Variants in TAS2R14 observed in about 807,000 individuals in gnomAD.
The protein encoded by TAS2R14 is taste 2 receptor member 14, also known as taste receptor type 2 member 14.
For synonymous variants in TAS2R14, 131 were observed against 131.0 expected, an observed-to-expected ratio of 1.00 and a Z score of 0.00; for missense variants, 383 against 372.0, an observed-to-expected ratio of 1.03 and a Z score of -0.24.
exon 1 of TAS2R14, chr12:10,939,003 A>C (rs533081426): frequency 1.9e-6 from 3 of 1,613,748 alleles, no homozygotes; most frequent in East Asian, 2.2e-5. Context: ...AAAAACACAG[A>C]CACACACCAG....
Position 10,939,174 on chromosome 12 carries a change from C to T in TAS2R14, c.34G>A (p.Val12Ile), listed in dbSNP as rs1263067443. 1.5e-5 allele frequency: 24 copies of T among 1,594,818 alleles called. No homozygotes were observed. The highest frequency in any genetic ancestry group is 1.8e-5 in the Non-Finnish European group (21 of 1,172,404). Residue 12 changes from valine (V) to isoleucine (I), a missense_variant, in exon 1 of 1, where the codon GTT (valine) becomes ATT (isoleucine). Coordinates refer to ENST00000537503, the Ensembl canonical transcript of TAS2R14. ...CCAATTATAAATTCCACAATTAAAA[C>T]GAATGTAAATATGCTCTTTATGACA...
At chr12:10,938,829 T>TA in intron 4 of TAS2R14, 1 of 1,613,654 alleles carries the variant, frequency 6.2e-7, no homozygotes, top group Non-Finnish European at 8.5e-7. Flanking sequence ...ACCACCTTTT[T>TA]AACCCTCCAC....
At chr12:10,938,860 G>A (rs1591702981) in exon 1 of TAS2R14, 3 of 1,613,710 alleles carry the variant, frequency 1.9e-6, no homozygotes, top group Non-Finnish European at 2.5e-6. Flanking sequence ...GAAAAATAGA[G>A]TTAGAAAAAT....
At chr12:10,938,643 T>A in exon 1 of TAS2R14, 1 of 1,613,916 alleles carries the variant, frequency 6.2e-7, no homozygotes, top group East Asian at 2.2e-5. Context: ...GTAAAGGGTA[T>A]GAAAATGAAC....
At chr12:10,938,614 A>C in exon 1 of TAS2R14, 1 of 1,613,948 alleles carries the variant, frequency 6.2e-7, no homozygotes, top group South Asian at 1.1e-5. Flanking sequence ...TGAGGAGAAG[A>C]AACATTGCCA....
chr12:10,938,347 C>A (rs756618046), exon 1 of TAS2R14: 1 of 1,614,062 alleles, frequency 6.2e-7, no homozygotes, highest in South Asian at 1.1e-5. Flanking sequence ...AGGCCTGTCT[C>A]AGCTTCTTGT....
exon 1 of TAS2R14, chr12:10,938,252 A>G (rs1220278981): frequency 3.2e-6 from 5 of 1,569,916 alleles, no homozygotes; most frequent in Non-Finnish European, 4.3e-6. Flanking sequence ...TTTCTAATAT[A>G]TTCAAGATGA....
exon 1 of TAS2R14, chr12:10,938,447 G>A (rs2135885334): frequency 1.2e-6 from 2 of 1,614,006 alleles, no homozygotes; most frequent in Non-Finnish European, 1.7e-6. Context: ...CAACCTTTCA[G>A]AGGTCCAAAC....
Position 10,939,096 on chromosome 12 carries a change from C to A in TAS2R14, n.493-519G>T, listed in dbSNP as rs1169534664. ...CGATCAACCGAAGAGATCTTTCTTC[C>A]CTTGACCCAGTCAATACAGTTCACC... On this transcript the variant is annotated intron_variant and non_coding_transcript_variant, in intron 4 of 4. Coordinates refer to the TAS2R14 transcript ENST00000381852. 5 of 1,613,772 alleles carry A rather than the reference C, an allele frequency of 3.1e-6. No individual in the cohort carries two copies. In the African/African-American group the frequency reaches 6.7e-5, roughly 22 times the overall value.
exon 1 of TAS2R14, chr12:10,938,605 G>A (rs1307988781): frequency 6.2e-7 from 1 of 1,613,798 alleles, no homozygotes; most frequent in East Asian, 2.2e-5. Context: ...TGGAGAAGAT[G>A]AGGAGAAGAA....
At chr12:10,938,781 A>G (rs141002804) in exon 1 of TAS2R14, 258 of 1,613,344 alleles carry the variant, frequency 1.6e-4, no homozygotes, top group Non-Finnish European at 2.0e-4. Context: ...GCAATATTTA[A>G]AAACAAGAAG....
At chr12:10,938,126 G>T in exon 1 of TAS2R14, 1 of 627,894 alleles carries the variant, frequency 1.6e-6, no homozygotes, top group Non-Finnish European at 2.7e-6. Flanking sequence ...TGATATGTTT[G>T]GATGGTGTTG....
In TAS2R14 at chr12:10,939,019, G is replaced by A. The variant is rs142263768; in HGVS notation, c.189C>T (p.Phe63=). The A allele has an allele frequency of 7.0e-3, 11,279 of 1,613,458 alleles. 53 individuals carry two copies. Among genetic ancestry groups the A allele is most frequent in the Non-Finnish European group, 8.8e-3 (10,429 of 1,179,818 alleles). The change falls in exon 1 of 1, where the codon TTC becomes TTT. Residue 63 remains phenylalanine, a synonymous_variant. Transcript: ENST00000537503. ...AAAACACAGACACACACCAGCTTCC[G>A]AATATTAACCAAACCAGGCTAATTC...
chr12:10,939,180 TA>T (rs1950350609), intron 4 of TAS2R14: 1 of 1,590,560 alleles, frequency 6.3e-7, no homozygotes, highest in African/African-American at 1.3e-5. Flanking sequence ...AAAACGAATG[TA>T]AATATGCTCT....
In TAS2R14 at chr12:10,939,135, T is replaced by C. The variant is rs550775618; in HGVS notation, c.73A>G (p.Ser25Gly). 3 of 1,601,430 alleles carry C rather than the reference T, an allele frequency of 1.9e-6. No homozygotes were observed. In the East Asian group the frequency reaches 6.7e-5, roughly 36 times the overall value. Residue 25 changes from serine to glycine, a missense_variant, in exon 1 of 1, where the codon AGT (serine) becomes GGT (glycine). Ser to Gly is a moderately conservative substitution (Grantham distance 56, BLOSUM62 0). Transcript: ENST00000537503. ...ATACAGTTCACCAGTGCTATGAAAC[T>C]ATTTCCTAAATTTCCAATTATAAAT...
exon 1 of TAS2R14, chr12:10,938,084 G>A (rs1208621948): frequency 5.4e-6 from 3 of 555,482 alleles, no homozygotes; most frequent in Non-Finnish European, 9.5e-6. Flanking sequence ...TCTCTGTATG[G>A]TAATATACAT....
exon 1 of TAS2R14, chr12:10,939,168 T>C: frequency 5.0e-6 from 8 of 1,598,440 alleles, no homozygotes; most frequent in Non-Finnish European, 6.8e-6. Flanking sequence ...AATTCCACAA[T>C]TAAAACGAAT....
At chr12:10,938,079 G>T in exon 1 of TAS2R14, 1 of 531,306 alleles carries the variant, frequency 1.9e-6, no homozygotes, top group Non-Finnish European at 3.3e-6. Context: ...ATTCTTCTCT[G>T]TATGGTAATA....
At chr12:10,937,807 AC>A (rs1384751304) in exon 1 of TAS2R14, 2 of 152,800 alleles carry the variant, frequency 1.3e-5, no homozygotes, top group African/African-American at 4.8e-5. Flanking sequence ...TTTTGCATAC[AC>A]GCTAATCAGG....
Sources: allele counts gnomAD v4.1 joint callset, GRCh38; gene constraint gnomAD v4.1.1; transcripts MANE v1.5; gene names NCBI Gene and HGNC (gene_info 2026-07-23, HGNC 2026-07-21).